The following CXXC4 variants were observed in gnomAD, a reference collection of about 807,000 sequenced individuals.
The protein encoded by CXXC4 is CXXC finger protein 4, also known as CXXC-type zinc finger protein 4.
CXXC4 carries 5 observed loss-of-function variants against 20.5 expected under a neutral mutation model. The observed-to-expected ratio is 0.24, with a 90% CI of 0.13 to 0.51. The LOEUF (loss-of-function observed/expected upper bound fraction) is 0.51. CXXC4 is among the 20% of genes least tolerant of loss of function. CXXC4 has a pLI of 0.97. For synonymous variants in CXXC4, 250 were observed against 216.4 expected (o/e 1.16, Z -1.36); for missense variants, 419 against 496.4 (o/e 0.84, Z 1.48).
At chr4:104,484,657 C>A (rs984286366) in intron 2 of CXXC4, among the ~76,000 whole-genome samples, 5 of 151,868 alleles carry the variant, frequency 3.3e-5, no homozygotes, top group Admixed American at 6.6e-5. Context: ...AGAGAAAGCC[C>A]AGAAGTTTCA....
Position 104,491,883 on chromosome 4 carries a change from G to C in CXXC4, c.-81C>G, listed in dbSNP as rs534367529. 2 of 355,846 alleles carry C rather than the reference G, an allele frequency of 5.6e-6. No homozygotes were observed. The highest frequency in any genetic ancestry group is 8.0e-6 in the Non-Finnish European group (2 of 251,476). 22.0% of individuals were successfully genotyped at this position (355,846 alleles called of 1,614,324 possible). On this transcript the variant is annotated 5_prime_UTR_variant, in exon 2 of 3. Coordinates refer to ENST00000394767, the MANE Select transcript of CXXC4 (RefSeq NM_025212.4). Reference sequence around the variant, plus strand: ...ACCTGGGTGGAAAAGGGGGAAAGGTGGGGGGGAGGGAAGGGAGTGATGGTG... The same window carrying C: ...ACCTGGGTGGAAAAGGGGGAAAGGTCGGGGGGAGGGAAGGGAGTGATGGTG...
rs1276987993 is a variant in CXXC4 at position 104,491,458 on chromosome 4, C to G, written c.345G>C (p.Gly115=). ...WGSGGGGGGG[G]GGGGGGGGGG... Reference sequence around the variant, plus strand: ...CGCCGCCGCCGCCGCCGCCACCCCCCCCGCCGCCGCCCCCGCCCCCGCCGC... The same window carrying G: ...CGCCGCCGCCGCCGCCGCCACCCCCGCCGCCGCCGCCCCCGCCCCCGCCGC... Residue 115 remains glycine (G), a synonymous_variant, in exon 2 of 3, where the codon GGG becomes GGC. Transcript: ENST00000394767. 5 of 885,090 alleles carry G rather than the reference C, an allele frequency of 5.6e-6. No individual in the cohort carries two copies. The highest frequency in any genetic ancestry group is 5.2e-5 in the South Asian group (1 of 19,134). 54.8% of individuals were successfully genotyped at this position (885,090 alleles called of 1,614,324 possible).
At chr4:104,481,242 T>G (rs1341944341) in intron 2 of CXXC4, among the ~76,000 whole-genome samples, 1 of 151,976 alleles carries the variant, frequency 6.6e-6, no homozygotes, top group Non-Finnish European at 1.5e-5. Context: ...AAAATATAAA[T>G]AGGGAGGCCG....
In CXXC4 at chr4:104,472,295, G is replaced by A. The variant is rs762198997; in HGVS notation, c.*27C>T. ...ATTAGTTTGCCCTTCATTTCCAAAT[G>A]CCTTGAAAATAAGATATACTACTGC... is the stretch of plus-strand genomic sequence containing the variant. On this transcript the variant is annotated 3_prime_UTR_variant, in exon 3 of 3. Transcript: ENST00000394767. 1.3e-6 allele frequency: 2 copies of A among 1,525,872 alleles called. No homozygotes were observed. Among genetic ancestry groups the A allele is most frequent in the Admixed American group, 1.8e-5 (1 of 55,590 alleles). The allele number at this position is 1,525,872 out of a possible 1,614,324, so 94.5% of individuals were successfully genotyped here. A position where few individuals can be genotyped will look rare whatever the true frequency, so the allele number is the denominator to read the frequency against.
intron 2 of CXXC4, among the ~76,000 whole-genome samples, chr4:104,478,431 G>A (rs1323145727): frequency 6.6e-6 from 1 of 152,016 alleles, no homozygotes; most frequent in Non-Finnish European, 1.5e-5. Flanking sequence ...GGGTTGGTGG[G>A]AGGTAAAATG....
At position 104,471,283 on chromosome 4, in the gene CXXC4, G is replaced by GT. The variant is rs1470993415; in HGVS notation, c.*1038dup. 1 of 151,832 alleles carries GT rather than the reference G, an allele frequency of 6.6e-6. No homozygotes were observed. The highest frequency in any genetic ancestry group is 2.4e-5 in the African/African-American group (1 of 41,386). 9.4% of individuals were successfully genotyped at this position (151,832 alleles called of 1,614,324 possible). On this transcript the variant is annotated 3_prime_UTR_variant, in exon 3 of 3. Transcript: ENST00000394767. ...TACATGAAGTTAAAACATTGGGGTA[G>GT]TTTTTATTAAGATTTTTTCCTACAG...
At position 104,490,937 on chromosome 4, in the gene CXXC4, G is replaced by C; in HGVS notation, c.866C>G (p.Ser289Trp). The part of the protein sequence containing the change: ...DCPQNHSSSS[S>W]SSSGGAGGAN... The stretch of plus-strand genomic sequence containing the variant: ...TCCGCCAGCTCCCCCTGAGGAGGAC[G>C]AGGAGGAGGAGGAATGATTCTGCGG... Residue 289 changes from serine (S) to tryptophan (W), a missense_variant, in exon 2 of 3, where the codon TCG (serine) becomes TGG (tryptophan). Physicochemically the swap from Ser to Trp is radical, Grantham distance 177. Around this residue, in one of 3 missense-constraint regions of CXXC4, gnomAD observed 388 missense variants for 416.0 expected, o/e 0.93. Coordinates refer to ENST00000394767, the MANE Select transcript of CXXC4 (RefSeq NM_025212.4). 1 of 1,609,378 alleles carries C rather than the reference G, an allele frequency of 6.2e-7. No individual in the cohort carries two copies. Among genetic ancestry groups the C allele is most frequent in the Admixed American group, 1.7e-5 (1 of 59,976 alleles).
At chr4:104,483,823 T>C (rs1736613727) in intron 2 of CXXC4, among the ~76,000 whole-genome samples, 1 of 151,958 alleles carries the variant, frequency 6.6e-6, no homozygotes, top group African/African-American at 2.4e-5. Flanking sequence ...TAAAAATTAA[T>C]AGTGGTGATA....
At chr4:104,481,652 C>A (rs1348847349) in intron 2 of CXXC4, among the ~76,000 whole-genome samples, 1 of 151,948 alleles carries the variant, frequency 6.6e-6, no homozygotes, top group Non-Finnish European at 1.5e-5. Context: ...ATTTAGGGTT[C>A]TTTAAGCCAG....
At chr4:104,487,098 TAAAAG>T (rs1371694663) in intron 2 of CXXC4, among the ~76,000 whole-genome samples, 1 of 152,082 alleles carries the variant, frequency 6.6e-6, no homozygotes, top group Non-Finnish European at 1.5e-5. Context: ...TTTTAAGAGA[TAAAAG>T]AAAGTAAAGA....
Position 104,490,851 on chromosome 4 carries a change from T to C in CXXC4, c.952A>G (p.Ile318Val). 6.2e-7 allele frequency: 1 copy of C among 1,614,228 alleles called. No homozygotes were observed. Among genetic ancestry groups the C allele is most frequent in the Non-Finnish European group, 8.5e-7 (1 of 1,180,038 alleles). Residue 318 changes from isoleucine (I) to valine (V), a missense_variant, in exon 2 of 3, where the codon ATC becomes GTC. Physicochemically the swap from Ile to Val is conservative, Grantham distance 29. Coordinates refer to ENST00000394767, the MANE Select transcript of CXXC4 (RefSeq NM_025212.4). ...CGVCVPCKRL[I>V]NCGVCSSCRN... ...CAACTGCTGCAGACGCCACAGTTGA[T>C]GAGCCTCTTGCAGGGCACGCAGACC...
At position 104,472,118 on chromosome 4, in the gene CXXC4, G is replaced by C. The variant is rs1045065504; in HGVS notation, c.*204C>G. 1 of 393,554 alleles carries C rather than the reference G, an allele frequency of 2.5e-6. No individual in the cohort carries two copies. The highest frequency in any genetic ancestry group is 4.6e-6 in the Non-Finnish European group (1 of 218,058). 24.4% of individuals were successfully genotyped at this position (393,554 alleles called of 1,614,324 possible). ...TCAGCGTATTGAAAGTAAATAGACTGGCCAATTCTCCAAGCTCTCACATTA... is the reference window on the plus strand; with the variant it reads ...TCAGCGTATTGAAAGTAAATAGACTCGCCAATTCTCCAAGCTCTCACATTA... On this transcript the variant is annotated 3_prime_UTR_variant, in exon 3 of 3. Coordinates refer to ENST00000394767, the MANE Select transcript of CXXC4 (RefSeq NM_025212.4).
At chr4:104,490,466 T>C (rs1457628515) in intron 2 of CXXC4, among the ~76,000 whole-genome samples, 2 of 152,218 alleles carry the variant, frequency 1.3e-5, no homozygotes, top group African/African-American at 4.8e-5. Context: ...ATTGAGCATA[T>C]TGAATGTGAA....
chr4:104,491,515 G>C lies in CXXC4; in HGVS notation c.288C>G (p.Thr96=), dbSNP rs1218723503. ...MSPWNCDNAA[T]AAAATAMLWG... ...AGAGCATGGCGGTGGCGGCGGCGGCGGTGGCCGCGTTGTCGCAGTTCCAGG... is the reference window on the plus strand; with the variant it reads ...AGAGCATGGCGGTGGCGGCGGCGGCCGTGGCCGCGTTGTCGCAGTTCCAGG... Residue 96 remains threonine, a synonymous_variant, in exon 2 of 3, where the codon ACC becomes ACG. Transcript: ENST00000394767. The C allele has an allele frequency of 3.0e-6, 4 of 1,318,162 alleles. No homozygotes were observed. The highest frequency in any genetic ancestry group is 1.8e-5 in the South Asian group (1 of 55,046). The allele number at this position is 1,318,162 out of a possible 1,614,324, so 81.7% of individuals were successfully genotyped here.
At chr4:104,487,696 AT>A (rs894371337) in intron 2 of CXXC4, among the ~76,000 whole-genome samples, 1 of 152,142 alleles carries the variant, frequency 6.6e-6, no homozygotes, top group African/African-American at 2.4e-5. Flanking sequence ...ATTAGTGGCT[AT>A]TTTTTTAACA....
At chr4:104,487,951 TGTGAGTCTGTCTTAATTTCA>T (rs1449863320) in intron 2 of CXXC4, among the ~76,000 whole-genome samples, 1 of 152,120 alleles carries the variant, frequency 6.6e-6, no homozygotes, top group Non-Finnish European at 1.5e-5. Context: ...AACATATCCA[TGTGAGTCTGTCTTAATTTCA>T]GTTTTCTCAC....
At chr4:104,483,278 A>G (rs1736600814) in intron 2 of CXXC4, among the ~76,000 whole-genome samples, 1 of 151,976 alleles carries the variant, frequency 6.6e-6, no homozygotes, top group Admixed American at 6.6e-5. Context: ...AAAAGCTTTT[A>G]TAACAGCTAA....
At chr4:104,481,781 GAATTT>G (rs1020682072) in intron 2 of CXXC4, among the ~76,000 whole-genome samples, 10 of 152,158 alleles carry the variant, frequency 6.6e-5, no homozygotes, top group African/African-American at 2.4e-4. Context: ...AAATTGAATT[GAATTT>G]ATCAAGGGTT....
chr4:104,488,762 A>G (rs908478380), intron 2 of CXXC4, among the ~76,000 whole-genome samples: 5 of 152,252 alleles, frequency 3.3e-5, no homozygotes, highest in African/African-American at 1.2e-4. Context: ...TTAAAAAATT[A>G]CACCAGCATA....
Sources: allele counts gnomAD v4.1 joint callset (sites outside exome capture counted in the v4.1 genomes callset), GRCh38; gene constraint gnomAD v4.1.1; regional missense constraint gnomAD v4.1.1; transcripts MANE v1.5; gene names NCBI Gene and HGNC (gene_info 2026-07-23, HGNC 2026-07-21).